HS6ST2: variants seen among roughly 807,000 people sequenced by gnomAD.
The protein encoded by HS6ST2 is heparan sulfate 6-O-sulfotransferase 2.
HS6ST2 carries 17 observed loss-of-function variants against 33.0 expected under a neutral mutation model. The ratio of observed to expected loss-of-function variants is 0.52; its 90% CI spans 0.35 to 0.77. The LOEUF is 0.77. Ranked by LOEUF, HS6ST2 falls within the 30% of genes least tolerant of loss-of-function variation. The pLI, the probability that HS6ST2 is intolerant of heterozygous loss-of-function variation, is 0.01. For synonymous variants in HS6ST2, 248 were observed against 237.1 expected (o/e 1.05, Z -0.42); for missense variants, 519 against 551.7 (o/e 0.94, Z 0.59).
chrX:132,828,716 A>ATATATG (rs2065554448), intron 2 of HS6ST2, among the ~76,000 whole-genome samples: 1 of 81,837 alleles, frequency 1.2e-5, no homozygotes, highest in Non-Finnish European at 2.3e-5. Flanking sequence ...ACACACACAC[A>ATATATG]CACACACACA....
At chrX:132,646,511 A>G (rs1287303247) in intron 4 of HS6ST2, among the ~76,000 whole-genome samples, 5 of 102,482 alleles carry the variant, frequency 4.9e-5, no homozygotes, top group Admixed American at 1.0e-4. Context: ...TCTAGTCTGA[A>G]TAACAGAGCA....
At chrX:132,960,098 T>C (rs1394535098), upstream of HS6ST2, among the ~76,000 whole-genome samples, 1 of 112,001 alleles carries the variant, frequency 8.9e-6, no homozygotes, top group Non-Finnish European at 1.9e-5. Flanking sequence ...CCAGGAACAC[T>C]CTGAAAACCC....
At chrX:132,720,752 CAA>C (rs1324557110) in intron 2 of HS6ST2, among the ~76,000 whole-genome samples, 2 of 84,968 alleles carry the variant, frequency 2.4e-5, no homozygotes. Context: ...CAATGGAAAC[CAA>C]AAAAAAAAAA....
chrX:132,895,910 C>T (rs140563717), intron 2 of HS6ST2, among the ~76,000 whole-genome samples: 183 of 110,700 alleles, frequency 1.7e-3, no homozygotes, highest in Middle Eastern at 4.7e-3. Context: ...TCTATAGGAG[C>T]GTCACTCCAA....
chrX:132,764,882 G>A (rs1245616236), intron 2 of HS6ST2, among the ~76,000 whole-genome samples: 2 of 111,941 alleles, frequency 1.8e-5, no homozygotes, highest in African/African-American at 3.3e-5. Context: ...TCTCCCAATC[G>A]TACTGCAGAA....
chrX:132,928,576 G>A (rs1318521689), intron 2 of HS6ST2, among the ~76,000 whole-genome samples: 2 of 111,017 alleles, frequency 1.8e-5, no homozygotes, highest in Non-Finnish European at 3.8e-5. Context: ...TGAGATTTGG[G>A]CAGAGACAAA....
intron 3 of HS6ST2, among the ~76,000 whole-genome samples, chrX:132,693,280 A>G (rs1040633828): frequency 3.6e-5 from 4 of 112,304 alleles, no homozygotes; most frequent in Non-Finnish European, 7.5e-5. Context: ...GAGCAATACT[A>G]GAAATGGGAT....
At chrX:132,809,438 G>A (rs1013085078) in intron 2 of HS6ST2, among the ~76,000 whole-genome samples, 12 of 111,915 alleles carry the variant, frequency 1.1e-4, no homozygotes, top group African/African-American at 1.9e-4. Flanking sequence ...CAACAAATAC[G>A]TTTTGAGTAC....
chrX:132,715,699 G>A (rs2064267522), intron 2 of HS6ST2, among the ~76,000 whole-genome samples: 1 of 111,995 alleles, frequency 8.9e-6, no homozygotes, highest in Admixed American at 9.4e-5. Flanking sequence ...GCAAGCACCT[G>A]CTCTCCCAGA....
chrX:132,709,337 A>G (rs2064210523), intron 2 of HS6ST2, among the ~76,000 whole-genome samples: 1 of 112,494 alleles, frequency 8.9e-6, no homozygotes, highest in South Asian at 3.7e-4. Context: ...AGTGGGCTAT[A>G]TAGCCTGTGC....
intron 2 of HS6ST2, among the ~76,000 whole-genome samples, chrX:132,714,629 T>C: frequency 9.0e-6 from 1 of 111,652 alleles, no homozygotes; most frequent in Non-Finnish European, 1.9e-5. Flanking sequence ...AATAACATTC[T>C]AAGACTTTAT....
chrX:132,806,101 C>T (rs2065279373), intron 2 of HS6ST2, among the ~76,000 whole-genome samples: 2 of 110,196 alleles, frequency 1.8e-5, no homozygotes, highest in African/African-American at 3.3e-5. Flanking sequence ...TCACAACCAA[C>T]CCAGAGTCCT....
intron 2 of HS6ST2, among the ~76,000 whole-genome samples, chrX:132,780,833 A>G (rs1464608154): frequency 8.9e-6 from 1 of 112,014 alleles, no homozygotes; most frequent in Non-Finnish European, 1.9e-5. Context: ...AGATGACTGG[A>G]AAACTGAATA....
chrX:132,917,576 G>A (rs1439734772), intron 2 of HS6ST2, among the ~76,000 whole-genome samples: 1 of 109,294 alleles, frequency 9.1e-6, no homozygotes, highest in Non-Finnish European at 1.9e-5. Flanking sequence ...CTCCAGCCTG[G>A]GTGGAGACTC....
intron 2 of HS6ST2, among the ~76,000 whole-genome samples, chrX:132,746,145 T>C (rs1038570855): frequency 2.7e-5 from 3 of 111,379 alleles, no homozygotes; most frequent in Non-Finnish European, 3.8e-5. Context: ...TGTAAACCTG[T>C]AGGGCTTACT....
At chrX:132,849,127 C>T (rs961642943) in intron 2 of HS6ST2, among the ~76,000 whole-genome samples, 1 of 111,397 alleles carries the variant, frequency 9.0e-6, no homozygotes, top group Non-Finnish European at 1.9e-5. Context: ...TTTTAATGTC[C>T]GTTTTTCTCT....
intron 2 of HS6ST2, among the ~76,000 whole-genome samples, chrX:132,787,688 G>A (rs1422184764): frequency 9.4e-6 from 1 of 106,661 alleles, no homozygotes; most frequent in East Asian, 3.2e-4. Context: ...TCAGGAGTTC[G>A]AGACCAGCCT....
intron 2 of HS6ST2, among the ~76,000 whole-genome samples, chrX:132,821,393 T>C (rs2065455973): frequency 1.8e-5 from 2 of 109,573 alleles, no homozygotes; most frequent in Non-Finnish European, 3.8e-5. Context: ...TTTGTATTTT[T>C]AGTAGAGACG....
chrX:132,932,752 A>G (rs759436535), intron 2 of HS6ST2, among the ~76,000 whole-genome samples: 31 of 108,946 alleles, frequency 2.8e-4, no homozygotes, highest in African/African-American at 1.0e-3. Context: ...AAAGAAGTAA[A>G]GGAAGGTATA....
Sources: gnomAD v4.1 joint callset for allele counts (sites outside exome capture counted in the v4.1 genomes callset) on GRCh38, gnomAD v4.1.1 for gene constraint, MANE v1.5 for transcripts, NCBI Gene and HGNC (gene_info 2026-07-23, HGNC 2026-07-21) for gene names.